VAV3: variants seen among roughly 807,000 people sequenced by gnomAD.
VAV3 encodes vav guanine nucleotide exchange factor 3.
In VAV3, 94 loss-of-function variants were observed where a neutral mutation model predicts 131.2. That is an observed-to-expected ratio of 0.72 (90% CI 0.61 to 0.85). VAV3 has a LOEUF of 0.85. Ranked by LOEUF, VAV3 falls within the 40% of genes least tolerant of loss-of-function variation. The pLI is 0.00. For missense variants in VAV3, 939 were observed against 1,002.7 expected (o/e 0.94, Z 0.86); for synonymous variants, 349 against 342.0 (o/e 1.02, Z -0.22).
intron 2 of VAV3, among the ~76,000 whole-genome samples, chr1:107,826,968 C>T (rs566145094): frequency 1.3e-5 from 2 of 151,946 alleles, no homozygotes; most frequent in South Asian, 4.2e-4. Context: ...TAGTATCTAC[C>T]ATTTGCTGTA....
chr1:107,883,555 G>A (rs1156848022), intron 1 of VAV3, among the ~76,000 whole-genome samples: 2 of 152,092 alleles, frequency 1.3e-5, no homozygotes, highest in African/African-American at 4.8e-5. Context: ...ATGTAGCAAT[G>A]TGTCTTTTTA....
At chr1:107,750,188 A>C (rs532023318) in intron 13 of VAV3, among the ~76,000 whole-genome samples, 3 of 152,276 alleles carry the variant, frequency 2.0e-5, no homozygotes, top group Admixed American at 6.5e-5. Context: ...AACAGGTCTA[A>C]TTTTGGAAAC....
intron 1 of VAV3, among the ~76,000 whole-genome samples, chr1:107,961,366 C>A (rs984332209): frequency 2.0e-5 from 3 of 152,158 alleles, no homozygotes; most frequent in Admixed American, 6.5e-5. Flanking sequence ...ACACCCCCAG[C>A]CCCAACCCCA....
intron 19 of VAV3, among the ~76,000 whole-genome samples, chr1:107,644,871 A>T (rs144687563): frequency 6.6e-6 from 1 of 151,636 alleles, no homozygotes; most frequent in African/African-American, 2.4e-5. Context: ...TGCCCATAAC[A>T]TGTAAAATTA....
At chr1:107,606,940 A>G (rs1570600899) in intron 22 of VAV3, among the ~76,000 whole-genome samples, 1 of 134,826 alleles carries the variant, frequency 7.4e-6, no homozygotes, top group Non-Finnish European at 1.5e-5. Flanking sequence ...AAATAGGTCC[A>G]CTGGGTAGGA....
chr1:107,717,761 G>C (rs1371913133), intron 15 of VAV3, among the ~76,000 whole-genome samples: 1 of 152,158 alleles, frequency 6.6e-6, no homozygotes, highest in Non-Finnish European at 1.5e-5. Flanking sequence ...GGTCGGCTTA[G>C]TGCATTGCTG....
At chr1:107,679,753 CT>C (rs1332020955) in intron 19 of VAV3, among the ~76,000 whole-genome samples, 1 of 152,128 alleles carries the variant, frequency 6.6e-6, no homozygotes, top group Non-Finnish European at 1.5e-5. Context: ...CTCAGATTTT[CT>C]TGAGATTTAT....
chr1:107,828,863 C>T (rs1237630247), intron 2 of VAV3, among the ~76,000 whole-genome samples: 1 of 152,172 alleles, frequency 6.6e-6, no homozygotes, highest in Non-Finnish European at 1.5e-5. Flanking sequence ...CTTAGGGAGG[C>T]CATTATCCTG....
At chr1:107,765,353 A>G (rs1664681277) in intron 8 of VAV3, among the ~76,000 whole-genome samples, 178 bp from the exon 9 acceptor site, 1 of 152,238 alleles carries the variant, frequency 6.6e-6, no homozygotes, top group South Asian at 2.1e-4. Flanking sequence ...ACTCATTTTT[A>G]TAGTAATGAC....
At chr1:107,890,647 C>T (rs1257538331) in intron 1 of VAV3, among the ~76,000 whole-genome samples, 4 of 152,248 alleles carry the variant, frequency 2.6e-5, no homozygotes, top group African/African-American at 9.6e-5. Flanking sequence ...TTAATTCCCA[C>T]AACCAGACAC....
At chr1:107,685,781 A>G (rs1658971947) in intron 18 of VAV3, 1 of 152,080 alleles carries the variant, frequency 6.6e-6, no homozygotes, top group Admixed American at 6.6e-5. Context: ...ACAATTTTAA[A>G]GTGCAAATTT....
intron 24 of VAV3, 104 bp from the exon 25 acceptor site, chr1:107,596,445 T>C: frequency 7.8e-7 from 1 of 1,288,860 alleles, no homozygotes; most frequent in South Asian, 1.5e-5. Context: ...AATTTAATGC[T>C]AAATTTTCCA....
intron 15 of VAV3, among the ~76,000 whole-genome samples, chr1:107,739,221 T>G (rs1199458333): frequency 6.6e-6 from 1 of 152,194 alleles, no homozygotes; most frequent in Non-Finnish European, 1.5e-5. Context: ...AGCTTGATCC[T>G]CACTAGGCAA....
chr1:107,923,077 G>C (rs1054236419), intron 1 of VAV3, among the ~76,000 whole-genome samples: 2 of 151,948 alleles, frequency 1.3e-5, no homozygotes, highest in African/African-American at 4.8e-5. Flanking sequence ...AGCTTGCAGA[G>C]TTTTTTTATG....
chr1:107,627,514 C>CCAG (rs1456723006), intron 20 of VAV3, among the ~76,000 whole-genome samples: 46 of 152,254 alleles, frequency 3.0e-4, no homozygotes, highest in African/African-American at 1.1e-3. Context: ...AACCTAAAAA[C>CCAG]AAAACCAGAA....
intron 2 of VAV3, among the ~76,000 whole-genome samples, chr1:107,844,018 G>C (rs1668848920): frequency 6.6e-6 from 1 of 152,020 alleles, no homozygotes; most frequent in South Asian, 2.1e-4. Flanking sequence ...TTTTCTTCCT[G>C]GATTCTGGGC....
intron 1 of VAV3, among the ~76,000 whole-genome samples, chr1:107,883,171 A>G (rs1571088529): frequency 6.6e-6 from 1 of 152,152 alleles, no homozygotes. Context: ...ATGTACTTTC[A>G]TGAGTTATAT....
At chr1:107,861,042 A>G (rs1182478929) in intron 2 of VAV3, among the ~76,000 whole-genome samples, 2 of 151,726 alleles carry the variant, frequency 1.3e-5, no homozygotes, top group African/African-American at 4.8e-5. Flanking sequence ...TCTCTAGATA[A>G]TTCATTATCC....
intron 7 of VAV3, 112 bp downstream of exon 7, chr1:107,768,329 C>A: frequency 1.2e-5 from 9 of 728,882 alleles, no homozygotes; most frequent in South Asian, 6.0e-5. Flanking sequence ...TAAATAAGGC[C>A]AATATTCTTA....
Sources: allele counts gnomAD v4.1 joint callset (sites outside exome capture counted in the v4.1 genomes callset), GRCh38; gene constraint gnomAD v4.1.1; transcripts MANE v1.5; gene names NCBI Gene and HGNC (gene_info 2026-07-23, HGNC 2026-07-21).